The following ASB11 variants were observed in gnomAD, a reference collection of about 807,000 sequenced individuals.
ASB11 encodes the protein ankyrin repeat and SOCS box containing 11.
ASB11 carries 17 observed loss-of-function variants against 20.1 expected under a neutral mutation model. The ratio of observed to expected loss-of-function variants is 0.85; its 90% CI spans 0.58 to 1.27. The LOEUF is 1.27. ASB11 is among the 50% of genes most tolerant of loss of function. The pLI is 0.00. For synonymous variants in ASB11, 107 were observed against 105.6 expected, an observed-to-expected ratio of 1.01 and a Z score of -0.08; for missense variants, 259 against 256.9, an observed-to-expected ratio of 1.01 and a Z score of -0.06.
At chrX:15,315,279 G>C (rs1921575725) in intron 1 of ASB11, 146 bp downstream of exon 1, 1 of 426,608 alleles carries the variant, frequency 2.3e-6, no homozygotes, top group Non-Finnish European at 3.6e-6. Context: ...GCAGCCAACA[G>C]CATTTGCTAC....
intron 1 of ASB11, among the ~76,000 whole-genome samples, chrX:15,313,623 A>G (rs1463594455): frequency 8.9e-6 from 1 of 112,091 alleles, no homozygotes; most frequent in Non-Finnish European, 1.9e-5. Context: ...CTATTTTAAG[A>G]GATTGAACAA....
intron 6 of ASB11, among the ~76,000 whole-genome samples, chrX:15,284,027 C>T (rs12834070): frequency 0.1 from 11,019 of 108,396 alleles, 833 homozygotes; most frequent in East Asian, 0.23. Context: ...CCAAGGTGGG[C>T]GGATCACGAG....
At chrX:15,292,033 G>GAAAA (rs751118483) in intron 4 of ASB11, 4 of 52,044 alleles carry the variant, frequency 7.7e-5, no homozygotes, top group African/African-American at 1.5e-4. Flanking sequence ...AGACTCTGTC[G>GAAAA]AAAAAAAAAA....
rs751433388 is a variant in ASB11, at chrX:15,283,580, G to T, written c.897C>A (p.Leu299=). The T allele has an allele frequency of 2.5e-6, 3 of 1,207,466 alleles. No individual in the cohort carries two copies. The highest frequency in any genetic ancestry group is 3.4e-6 in the Non-Finnish European group (3 of 893,751). ...GGATGGCTTGATGACATGCTCGACCGAGACACTTCCGGACACACAGGCGGC... is the reference window on the plus strand; with the variant it reads ...GGATGGCTTGATGACATGCTCGACCTAGACACTTCCGGACACACAGGCGGC... ...QLCRLCVRKC[L]GRACHQAIHK... is the part of the protein sequence containing the mutation. Residue 299 remains leucine, a synonymous_variant, in exon 7 of 7, where the codon CTC becomes CTA. Transcript: ENST00000480796.
intron 3 of ASB11, 97 bp from the exon 4 acceptor site, chrX:15,293,417 C>A: frequency 2.1e-6 from 2 of 966,168 alleles, no homozygotes; most frequent in South Asian, 2.4e-5. Context: ...GAATTCCCCA[C>A]GCTGGTGAAT....
intron 2 of ASB11, among the ~76,000 whole-genome samples, chrX:15,299,459 A>G (rs769170837): frequency 1.2e-4 from 13 of 112,079 alleles, no homozygotes; most frequent in Non-Finnish European, 1.3e-4. Flanking sequence ...CTGGGTTACA[A>G]TAAGGGGTTG....
intron 6 of ASB11, among the ~76,000 whole-genome samples, chrX:15,286,277 T>G (rs73635079): frequency 0.012 from 1,358 of 111,069 alleles, 19 homozygotes; most frequent in African/African-American, 0.043. Flanking sequence ...ATATATGATG[T>G]AGTGGTTTCA....
chrX:15,314,436 A>G (rs5935944), intron 1 of ASB11: 468,874 of 1,196,528 alleles, frequency 0.39, 63,477 homozygotes, highest in South Asian at 0.55. Context: ...ACCTTCTGAT[A>G]CGTTCTGAAA....
intron 4 of ASB11, 47 bp downstream of exon 4, chrX:15,293,123 G>A: frequency 8.4e-7 from 1 of 1,183,489 alleles, no homozygotes; most frequent in East Asian, 3.0e-5. Flanking sequence ...CATACAGATT[G>A]GAGTGAGCCC....
intron 3 of ASB11, 80 bp from the exon 4 acceptor site, chrX:15,293,400 C>A (rs1389754786): frequency 3.8e-6 from 4 of 1,066,187 alleles, no homozygotes; most frequent in Non-Finnish European, 3.8e-6. Flanking sequence ...TATGTATTTG[C>A]CTAGAGGAAT....
Position 15,290,384 on chromosome X carries a change from C to T in ASB11, c.521-746G>A, listed in dbSNP as rs754675422. On this transcript the variant is annotated intron_variant, in intron 4 of 6. Coordinates refer to ENST00000480796, the MANE Select transcript of ASB11 (RefSeq NM_080873.3). The stretch of plus-strand genomic sequence containing the variant: ...TCCATTACAAATCTCTCATTCTCTT[C>T]TTTATCCATGCATGTGAGATTGGAT... Among the ~76,000 whole-genome samples the T allele has an allele frequency of 2.4e-3, 272 of 112,247 alleles. 1 individual carries two copies. The highest frequency in any genetic ancestry group is 0.017 in the South Asian group (45 of 2,694).
intron 6 of ASB11, among the ~76,000 whole-genome samples, chrX:15,285,865 C>T (rs1029686609): frequency 2.4e-4 from 26 of 110,363 alleles, no homozygotes; most frequent in Admixed American, 5.8e-4. Flanking sequence ...ATTAGCTGGG[C>T]GTGGTGGCAC....
intron 1 of ASB11, among the ~76,000 whole-genome samples, chrX:15,315,137 A>G (rs1266099267): frequency 8.9e-6 from 1 of 112,212 alleles, no homozygotes; most frequent in Non-Finnish European, 1.9e-5. Flanking sequence ...ACAAGTAATT[A>G]CTTTGGCTAG....
At chrX:15,298,247 G>T (rs1353163975) in intron 2 of ASB11, among the ~76,000 whole-genome samples, 1 of 111,872 alleles carries the variant, frequency 8.9e-6, no homozygotes, top group Non-Finnish European at 1.9e-5. Context: ...GCTAAGACTT[G>T]AAGCATAAAA....
In ASB11 at chrX:15,311,449, C is replaced by A. The variant is rs1653154787; in HGVS notation, c.181+3976G>T. Among the ~76,000 whole-genome samples the A allele has an allele frequency of 2.7e-5, 3 of 111,817 alleles. No homozygotes were observed. In the South Asian group the frequency reaches 1.1e-3, roughly 41 times the overall value. On this transcript the variant is annotated intron_variant, in intron 1 of 6. Transcript: ENST00000480796. The stretch of plus-strand genomic sequence containing the variant: ...GGCCAATGTTTGTGGAGACAACCAG[C>A]AAAACTAAATAAGAGCAGAAGGCTA...
chrX:15,287,841 G>A, intron 6 of ASB11, 40 bp downstream of exon 6: 1 of 1,151,949 alleles, frequency 8.7e-7, no homozygotes, highest in Non-Finnish European at 1.2e-6. Context: ...GGGAGAGAAT[G>A]TGCTTATGGA....
At chrX:15,293,136 C>T (rs768137701) in intron 4 of ASB11, 34 bp downstream of exon 4, 5 of 1,195,224 alleles carry the variant, frequency 4.2e-6, no homozygotes, top group Non-Finnish European at 5.6e-6. Context: ...GTGAGCCCAT[C>T]AATGTTTCAC....
At position 15,297,149 on chromosome X, in the gene ASB11, G is replaced by A. The variant is rs745766283; in HGVS notation, c.369+425C>T. Among the ~76,000 whole-genome samples, 129 of 112,143 alleles carry A rather than the reference G, an allele frequency of 1.2e-3. 1 individual carries two copies. Among genetic ancestry groups the A allele is most frequent in the Non-Finnish European group, 1.7e-3 (93 of 53,159 alleles). ...TCTACTAAAAATACAAAAATTAGCC[G>A]GGCGTGGCGGCGTGTGCCTGTAGTC... On this transcript the variant is annotated intron_variant, in intron 3 of 6. Coordinates refer to ENST00000480796, the MANE Select transcript of ASB11 (RefSeq NM_080873.3).
chrX:15,303,844 G>C (rs1921149898), intron 1 of ASB11, among the ~76,000 whole-genome samples: 1 of 112,312 alleles, frequency 8.9e-6, no homozygotes, highest in African/African-American at 3.2e-5. Flanking sequence ...TTAATAAGTA[G>C]GCACAGTAGA....
Sources: allele counts gnomAD v4.1 joint callset (sites outside exome capture counted in the v4.1 genomes callset), GRCh38; gene constraint gnomAD v4.1.1; transcripts MANE v1.5; gene names NCBI Gene and HGNC (gene_info 2026-07-23, HGNC 2026-07-21).